The following AGBL1 variants were observed in gnomAD, a reference collection of about 807,000 sequenced individuals.
AGBL1 encodes AGBL carboxypeptidase 1.
In AGBL1, 130 loss-of-function variants were observed where a neutral mutation model predicts 118.9. The observed-to-expected ratio is 1.09, with a 90% confidence interval of 0.95 to 1.26. AGBL1 has a LOEUF of 1.26. Ranked by LOEUF, AGBL1 falls within the 50% of genes most tolerant of loss-of-function variation. The pLI is 0.00. For synonymous variants in AGBL1, 555 were observed against 478.9 expected (o/e 1.16, Z -2.08); for missense variants, 1,584 against 1,298.1 (o/e 1.22, Z -3.38).
At position 86,753,305 on chromosome 15, in the gene AGBL1, T is replaced by C. The variant is rs2077882597; in HGVS notation, c.3158+78869T>C. Reference sequence around the variant, plus strand: ...GAGGCACCAGGTACGTTTTTATGTCTGCTTCAAGGAGCTTCATTTTCAGTA... The same window carrying C: ...GAGGCACCAGGTACGTTTTTATGTCCGCTTCAAGGAGCTTCATTTTCAGTA... On this transcript the variant is annotated intron_variant, in intron 22 of 22. Transcript: ENST00000614907. 1.3e-5 allele frequency among the ~76,000 whole-genome samples: 2 copies of C among 151,986 alleles called. 1 individual carries two copies. Among genetic ancestry groups the C allele is most frequent in the South Asian group, 4.1e-4 (2 of 4,824 alleles).
chr15:86,395,172 A>G (rs2081345215), intron 17 of AGBL1, among the ~76,000 whole-genome samples: 1 of 152,134 alleles, frequency 6.6e-6, no homozygotes. Flanking sequence ...TAAACAAAAT[A>G]TATAAGAAAG....
chr15:86,625,372 TTTTTTTGTTTTTG>T (rs796406902), intron 21 of AGBL1, among the ~76,000 whole-genome samples: 3,782 of 51,364 alleles, frequency 0.074, 451 homozygotes, highest in African/African-American at 0.2. Flanking sequence ...AGCGTTTTTT[TTTTTTTGTTTTTG>T]TTTTTTTTTT....
At chr15:86,637,719 T>C (rs1008360964) in intron 21 of AGBL1, among the ~76,000 whole-genome samples, 4 of 152,040 alleles carry the variant, frequency 2.6e-5, no homozygotes, top group African/African-American at 9.7e-5. Context: ...CACTCAGATT[T>C]TGCAGGTAGA....
At chr15:86,097,536 T>A (rs988963425) in intron 1 of AGBL1, among the ~76,000 whole-genome samples, 1 of 108,380 alleles carries the variant, frequency 9.2e-6, no homozygotes, top group South Asian at 2.7e-4. Flanking sequence ...TGAGATCCAC[T>A]TTTTTTTTTT....
At chr15:86,390,821 C>A (rs1320108755) in intron 17 of AGBL1, among the ~76,000 whole-genome samples, 9 of 151,808 alleles carry the variant, frequency 5.9e-5, no homozygotes, top group African/African-American at 1.5e-4. Flanking sequence ...AGGCGCCTAC[C>A]ACCATGCCCA....
chr15:86,782,325 A>C (rs964925000), intron 22 of AGBL1, among the ~76,000 whole-genome samples: 10 of 152,142 alleles, frequency 6.6e-5, no homozygotes, highest in Non-Finnish European at 1.2e-4. Flanking sequence ...ATTTGACTCT[A>C]TGCTACCTGG....
rs570331196 is a variant in AGBL1 at position 86,911,824 on chromosome 15, T to C, written c.*4530T>C. ...CCTCATCACCCAATGCCAAGTTATA[T>C]ATAATCTCTCTTCCATGCCCCTGTT... On this transcript the variant is annotated 3_prime_UTR_variant, in exon 23 of 23. Transcript: ENST00000614907. 1 of 152,348 alleles carries C rather than the reference T, an allele frequency of 6.6e-6. No individual in the cohort carries two copies. Among genetic ancestry groups the C allele is most frequent in the East Asian group, 1.9e-4 (1 of 5,180 alleles). The allele number at this position is 152,348 out of a possible 1,614,324, so 9.4% of individuals were successfully genotyped here. A position where few individuals can be genotyped will look rare whatever the true frequency, so the allele number is the denominator to read the frequency against.
At chr15:86,425,602 T>C (rs1383807232) in intron 18 of AGBL1, among the ~76,000 whole-genome samples, 1 of 152,184 alleles carries the variant, frequency 6.6e-6, no homozygotes, top group Non-Finnish European at 1.5e-5. Flanking sequence ...AAGTCAATGA[T>C]TCCTGTATAG....
chr15:86,930,300 G>A (rs1447953786), intron 23 of AGBL1, among the ~76,000 whole-genome samples: 2 of 152,100 alleles, frequency 1.3e-5, no homozygotes, highest in Admixed American at 6.6e-5. Flanking sequence ...TTTCCACTTA[G>A]GGTAACTATG....
intron 1 of AGBL1, among the ~76,000 whole-genome samples, chr15:86,140,785 C>T (rs1382480765): frequency 6.6e-6 from 1 of 152,056 alleles, no homozygotes; most frequent in East Asian, 1.9e-4. Context: ...ATCAAAGTTA[C>T]AGAGGCATGA....
intron 18 of AGBL1, among the ~76,000 whole-genome samples, chr15:86,450,137 C>G (rs750842666): frequency 6.6e-6 from 1 of 152,076 alleles, no homozygotes; most frequent in Admixed American, 6.5e-5. Context: ...CTAGATAAAT[C>G]GATTGTTGCA....
chr15:86,356,226 G>T lies in AGBL1; in HGVS notation c.2375-41140G>T, dbSNP rs2080715793. Reference sequence around the variant, plus strand: ...AGAGACTGATGGGAATAAAATCAAAGAGGTTAAAAATAGAATGGCTTAGAG... The same window carrying T: ...AGAGACTGATGGGAATAAAATCAAATAGGTTAAAAATAGAATGGCTTAGAG... On this transcript the variant is annotated intron_variant, in intron 17 of 22. Coordinates refer to ENST00000614907, the MANE Select transcript of AGBL1 (RefSeq NM_001386094.1). Among the ~76,000 whole-genome samples the T allele has an allele frequency of 3.9e-5, 6 of 152,120 alleles. No homozygotes were observed. The South Asian group carries it at 1.2e-3, about 31-fold the overall frequency.
At chr15:86,737,569 A>C (rs1373904611) in intron 22 of AGBL1, among the ~76,000 whole-genome samples, 4 of 152,132 alleles carry the variant, frequency 2.6e-5, no homozygotes, top group African/African-American at 9.7e-5. Flanking sequence ...TCCTGCTATA[A>C]CCACATTGTG....
intron 7 of AGBL1, among the ~76,000 whole-genome samples, chr15:86,255,222 C>A (rs968275868): frequency 3.3e-5 from 5 of 152,154 alleles, no homozygotes; most frequent in Non-Finnish European, 5.9e-5. Context: ...CTTGCTTCCT[C>A]CTTGAGACTC....
chr15:86,748,108 G>T (rs1345108141), intron 22 of AGBL1, among the ~76,000 whole-genome samples: 1 of 152,132 alleles, frequency 6.6e-6, no homozygotes, highest in Non-Finnish European at 1.5e-5. Flanking sequence ...GTGTAAAAGT[G>T]TTCCTATTTC....
At chr15:86,957,638 T>G (rs2701393) in intron 23 of AGBL1, among the ~76,000 whole-genome samples, 20,678 of 152,032 alleles carry the variant, frequency 0.14, 1,909 homozygotes, top group Non-Finnish European at 0.2. Flanking sequence ...TGTAATATAT[T>G]TAACAAAAAT....
chr15:86,581,061 GA>G (rs2142331468), intron 21 of AGBL1, among the ~76,000 whole-genome samples: 1 of 152,286 alleles, frequency 6.6e-6, no homozygotes, highest in African/African-American at 2.4e-5. Flanking sequence ...TAGTAGATGA[GA>G]GTTCCAAAAG....
At chr15:86,459,026 T>A (rs2082297145) in intron 18 of AGBL1, among the ~76,000 whole-genome samples, 4 of 152,188 alleles carry the variant, frequency 2.6e-5, no homozygotes, top group Admixed American at 6.6e-5. Flanking sequence ...TATCCTCGAA[T>A]GAACTACTGC....
chr15:86,274,935 C>T (rs1291340041), intron 15 of AGBL1, among the ~76,000 whole-genome samples: 3 of 152,126 alleles, frequency 2.0e-5, no homozygotes, highest in Non-Finnish European at 4.4e-5. Context: ...CCTTCTATTC[C>T]ACCTCCTGCT....
Sources: gnomAD v4.1 joint callset for allele counts (sites outside exome capture counted in the v4.1 genomes callset) on GRCh38, gnomAD v4.1.1 for gene constraint, MANE v1.5 for transcripts, NCBI Gene and HGNC (gene_info 2026-07-23, HGNC 2026-07-21) for gene names.